Variants in ITGB4 observed in about 807,000 individuals in gnomAD.
ITGB4 encodes the protein integrin subunit beta 4.
A neutral mutation model predicts 207.6 loss-of-function variants in ITGB4; 159 were observed. The ratio of observed to expected loss-of-function variants is 0.77; its 90% CI spans 0.67 to 0.87. The LOEUF is 0.87. Among genes scored for constraint, ITGB4 ranks in the 40% least tolerant of loss-of-function variants. ITGB4 has a pLI of 0.00. For missense variants in ITGB4, 2,278 were observed against 2,546.8 expected (o/e 0.89, Z 2.27); for synonymous variants, 1,020 against 1,062.7 (o/e 0.96, Z 0.78).
intron 34 of ITGB4, chr17:75,755,208 GC>G: frequency 6.2e-7 from 1 of 1,602,612 alleles, no homozygotes; most frequent in Non-Finnish European, 8.5e-7. Context: ...CCCTCCTGGG[GC>G]CCAGGTAGTA....
intron 26 of ITGB4, 38 bp from the exon 27 acceptor site, chr17:75,748,803 C>A: frequency 6.6e-7 from 1 of 1,523,466 alleles, no homozygotes; most frequent in Non-Finnish European, 9.0e-7. Flanking sequence ...GCCTCAGCCC[C>A]CAGCCATGAC....
rs1336127022 is a variant in ITGB4, at chr17:75,730,883, C to T, written c.1011C>T (p.His337=). ...GGCCTTCTCTCCCGCAGAAGCTTCA[C>T]ACCTATTTCCCTGTCTCCTCACTGG... The part of the protein sequence containing the change: ...NYSYSYYEKL[H]TYFPVSSLGV... Residue 337 remains histidine (H), a synonymous_variant, in exon 9 of 40, where the codon CAC becomes CAT. Coordinates refer to ENST00000200181, the MANE Select transcript of ITGB4 (RefSeq NM_000213.5). The T allele has an allele frequency of 1.2e-6, 2 of 1,613,154 alleles. No individual in the cohort carries two copies. Among genetic ancestry groups the T allele is most frequent in the African/African-American group, 2.7e-5 (2 of 75,016 alleles).
Position 75,727,499 on chromosome 17 carries a change from C to T in ITGB4, c.258C>T (p.Ile86=), listed in dbSNP as rs1391590918. The T allele has an allele frequency of 6.2e-7, 1 of 1,613,706 alleles. No individual in the cohort carries two copies. Among genetic ancestry groups the T allele is most frequent in the Admixed American group, 1.7e-5 (1 of 59,998 alleles). ...SIVVMESSFQ[I]TEETQIDTTL... The stretch of plus-strand genomic sequence containing the variant: ...TGGTCATGGAGAGCAGCTTCCAAAT[C>T]ACAGAGGTGCCTGGTGTGGGGACTG... The change falls in exon 4 of 40, where the codon ATC becomes ATT. Residue 86 remains isoleucine (I), a synonymous_variant. Transcript: ENST00000200181. The surrounding 1 kb of genome is among the most constrained non-coding windows in gnomAD (Gnocchi z 6.0).
chr17:75,737,492 C>T (rs1462876730), intron 17 of ITGB4, 46 bp from the exon 18 acceptor site: 14 of 1,553,802 alleles, frequency 9.0e-6, no homozygotes, highest in Middle Eastern at 1.7e-4. Flanking sequence ...GGCCAGAGCT[C>T]GGTGGGGAGG....
In ITGB4 at chr17:75,729,294, C is replaced by T; in HGVS notation, c.596C>T (p.Pro199Leu). The T allele has an allele frequency of 4.3e-6, 7 of 1,614,158 alleles. No homozygotes were observed. Among genetic ancestry groups the T allele is most frequent in the Non-Finnish European group, 5.9e-6 (7 of 1,180,032 alleles). ...AAGGAGCCCTGGCCCAACAGTGACC[C>T]CCCCTTCTCCTTCAAGAACGTCATC... ...KLKEPWPNSDPPFSFKNVISL... is the reference protein window; with the variant it reads ...KLKEPWPNSDLPFSFKNVISL... Residue 199 changes from proline (P) to leucine (L), a missense_variant, in exon 7 of 40, where the codon CCC becomes CTC. By Grantham distance (98) the Pro-to-Leu change is moderately conservative (BLOSUM62 -3). Transcript: ENST00000200181. This position sits in a 1 kb window ranked among gnomAD's most constrained non-coding sequence, Gnocchi z 4.4.
Position 75,736,216 on chromosome 17 carries a change from C to A in ITGB4, c.1761+62C>A, listed in dbSNP as rs2060971514. 7.5e-6 allele frequency: 12 copies of A among 1,593,018 alleles called. No homozygotes were observed. The Admixed American group carries it at 1.8e-4, about 24-fold the overall frequency. On this transcript the variant is annotated intron_variant, in intron 14 of 39. Coordinates refer to ENST00000200181, the MANE Select transcript of ITGB4 (RefSeq NM_000213.5). ...ACCACCCACCCTCTCCAGAGAGAAC[C>A]CTATGGAGAGAGGAGAGGGAGCAGG...
chr17:75,752,475 G>A lies in ITGB4; in HGVS notation c.4006G>A (p.Asp1336Asn), dbSNP rs1568380427. The A allele has an allele frequency of 6.2e-7, 1 of 1,613,630 alleles. No homozygotes were observed. Among genetic ancestry groups the A allele is most frequent in the Admixed American group, 1.7e-5 (1 of 60,026 alleles). The stretch of plus-strand genomic sequence containing the variant: ...CATCATCCCTGACATCCCTATCGTG[G>A]ACGCCCAGAGCGGGGAGGACTACGA... ...IPIIPDIPIV[D>N]AQSGEDYDSF... Residue 1336 changes from aspartate (D) to asparagine (N), a missense_variant, in exon 32 of 40, where the codon GAC (aspartate) becomes AAC (asparagine). By Grantham distance (23) the Asp-to-Asn change is conservative. Coordinates refer to ENST00000200181, the MANE Select transcript of ITGB4 (RefSeq NM_000213.5).
intron 32 of ITGB4, among the ~76,000 whole-genome samples, chr17:75,752,834 G>C (rs149134233): frequency 2.4e-4 from 36 of 152,274 alleles, no homozygotes; most frequent in African/African-American, 8.4e-4. Context: ...TTCACAAGTT[G>C]AAGGTTCACC....
Position 75,740,061 on chromosome 17 carries a change from C to T in ITGB4, c.2436C>T (p.Pro812=). 6.2e-7 allele frequency: 1 copy of T among 1,612,202 alleles called. No homozygotes were observed. The highest frequency in any genetic ancestry group is 8.5e-7 in the Non-Finnish European group (1 of 1,179,526). ...CCACTCATGCCGCCAGCATCAACCC[C>T]ACAGAGCTGGGTGAGGGCGGGGCTG... ...GFATHAASIN[P]TELVPYGLSL... is the part of the protein sequence containing the mutation. Residue 812 remains proline (P), a synonymous_variant, in exon 20 of 40, where the codon CCC becomes CCT. Coordinates refer to ENST00000200181, the MANE Select transcript of ITGB4 (RefSeq NM_000213.5). This position sits in a 1 kb window ranked among gnomAD's most constrained non-coding sequence, Gnocchi z 5.9.
chr17:75,738,253 G>T (rs1421673857), intron 18 of ITGB4, among the ~76,000 whole-genome samples: 1 of 149,260 alleles, frequency 6.7e-6, no homozygotes, highest in African/African-American at 2.5e-5. Flanking sequence ...TGACAGTAAT[G>T]ATGATGACAC....
At chr17:75,756,670 C>T (rs2061512869) in intron 36 of ITGB4, 34 bp from the exon 37 acceptor site, 1 of 1,613,312 alleles carries the variant, frequency 6.2e-7, no homozygotes. Context: ...CACCACCCAC[C>T]CACAGGCTGA....
chr17:75,731,129 C>T lies in ITGB4; in HGVS notation c.1093-117C>T. Reference sequence around the variant, plus strand: ...TGAGGCCCCGAGGGGCCACCTGGGCCTGGCCCTGGCTCCTGCAGGCTCTGT... The same window carrying T: ...TGAGGCCCCGAGGGGCCACCTGGGCTTGGCCCTGGCTCCTGCAGGCTCTGT... On this transcript the variant is annotated intron_variant, in intron 9 of 39. Coordinates refer to ENST00000200181, the MANE Select transcript of ITGB4 (RefSeq NM_000213.5). This position sits in a 1 kb window ranked among gnomAD's most constrained non-coding sequence, Gnocchi z 6.8. 6.4e-7 allele frequency: 1 copy of T among 1,560,764 alleles called. No homozygotes were observed. Among genetic ancestry groups the T allele is most frequent in the East Asian group, 2.3e-5 (1 of 44,182 alleles).
rs2060631544 is a variant in ITGB4 at position 75,722,339 on chromosome 17, C to G, written c.-11+727C>G. 6.6e-6 allele frequency among the ~76,000 whole-genome samples: 1 copy of G among 152,206 alleles called. No individual in the cohort carries two copies. The highest frequency in any genetic ancestry group is 1.5e-5 in the Non-Finnish European group (1 of 68,032). The stretch of plus-strand genomic sequence containing the variant: ...TGGCTGGGACTGGGGCTCTGGGGCT[C>G]CTGGTGACTCCCAGGAGCAGGGACA... On this transcript the variant is annotated intron_variant, in intron 1 of 39. Transcript: ENST00000200181. The surrounding 1 kb of genome is among the most constrained non-coding windows in gnomAD (Gnocchi z 6.2).
At position 75,742,857 on chromosome 17, in the gene ITGB4, G is replaced by T; in HGVS notation, c.2962+96G>T. 3 of 1,192,900 alleles carry T rather than the reference G, an allele frequency of 2.5e-6. No homozygotes were observed. Among genetic ancestry groups the T allele is most frequent in the Non-Finnish European group, 3.5e-6 (3 of 848,068 alleles). 73.9% of individuals were successfully genotyped at this position (1,192,900 alleles called of 1,614,324 possible). A position where few individuals can be genotyped will look rare whatever the true frequency, so the allele number is the denominator to read the frequency against. On this transcript the variant is annotated intron_variant, in intron 25 of 39. Transcript: ENST00000200181. This position sits in a 1 kb window ranked among gnomAD's most constrained non-coding sequence, Gnocchi z 5.9. ...GAATTGCGACCTGGCCACGTGGCCTGGGCTAGTCACTTAACCTCTGCAAGC... is the reference window on the plus strand; with the variant it reads ...GAATTGCGACCTGGCCACGTGGCCTTGGCTAGTCACTTAACCTCTGCAAGC...
intron 26 of ITGB4, among the ~76,000 whole-genome samples, chr17:75,745,771 C>T (rs570011627): frequency 5.3e-5 from 8 of 151,966 alleles, no homozygotes; most frequent in South Asian, 4.2e-4. Context: ...CCCAGCTACC[C>T]GGGAGGCCGA....
Position 75,729,519 on chromosome 17 carries a change from C to T in ITGB4, c.738+83C>T. 7.0e-7 allele frequency: 1 copy of T among 1,438,266 alleles called. No homozygotes were observed. Among genetic ancestry groups the T allele is most frequent in the Non-Finnish European group, 9.4e-7 (1 of 1,062,738 alleles). 89.1% of individuals were successfully genotyped at this position (1,438,266 alleles called of 1,614,324 possible). On this transcript the variant is annotated intron_variant, in intron 7 of 39. Coordinates refer to ENST00000200181, the MANE Select transcript of ITGB4 (RefSeq NM_000213.5). This position sits in a 1 kb window ranked among gnomAD's most constrained non-coding sequence, Gnocchi z 4.4. Reference sequence around the variant, plus strand: ...GGCCTGAGCTGCCCCCTGGCCTGCTCTGGTGCCAGGCTCACAGGCCCTGAG... The same window carrying T: ...GGCCTGAGCTGCCCCCTGGCCTGCTTTGGTGCCAGGCTCACAGGCCCTGAG...
chr17:75,738,605 G>C (rs1434721543), intron 18 of ITGB4, among the ~76,000 whole-genome samples: 2 of 152,214 alleles, frequency 1.3e-5, no homozygotes, highest in African/African-American at 4.8e-5. Flanking sequence ...CACCTGCTCT[G>C]GGGTCAGCCA....
chr17:75,749,107 C>T, intron 27 of ITGB4, 62 bp downstream of exon 27: 18 of 1,376,184 alleles, frequency 1.3e-5, no homozygotes, highest in Non-Finnish European at 1.8e-5. Context: ...GGTCTCTCAA[C>T]TAGGTCTGTC....
At chr17:75,744,622 T>G (rs2054216381) in intron 26 of ITGB4, among the ~76,000 whole-genome samples, 2 of 152,140 alleles carry the variant, frequency 1.3e-5, no homozygotes, top group South Asian at 2.1e-4. Flanking sequence ...GCTGTCACAA[T>G]TTGCCAAGCA....
Sources: gnomAD v4.1 joint callset for allele counts (sites outside exome capture counted in the v4.1 genomes callset) on GRCh38, gnomAD v4.1.1 for gene constraint, Gnocchi (gnomAD v3.1) non-coding constraint, MANE v1.5 for transcripts, NCBI Gene and HGNC (gene_info 2026-07-23, HGNC 2026-07-21) for gene names.